The following GABRG1 variants were observed in gnomAD, a reference collection of about 807,000 sequenced individuals.
The protein encoded by GABRG1 is gamma-aminobutyric acid receptor subunit gamma-1.
A neutral mutation model predicts 49.8 loss-of-function variants in GABRG1; 49 were observed. The observed-to-expected ratio is 0.98, with a 90% CI of 0.78 to 1.25. GABRG1 has a LOEUF of 1.25. Among genes scored for constraint, GABRG1 ranks in the 50% most tolerant of loss-of-function variants. The probability of loss-of-function intolerance (pLI) is 0.00; values close to 1 mark genes in which losing one functional copy is unlikely to be tolerated. For synonymous variants in GABRG1, 232 were observed against 185.1 expected (o/e 1.25, Z -2.06); for missense variants, 552 against 552.3 (o/e 1.00, Z 0.01).
At chr4:46,088,642 C>T (rs1719866955) in intron 2 of GABRG1, among the ~76,000 whole-genome samples, 1 of 151,754 alleles carries the variant, frequency 6.6e-6, no homozygotes, top group Non-Finnish European at 1.5e-5. Flanking sequence ...GTAGTTAAAC[C>T]TGAGCATTCG....
chr4:46,065,568 A>C lies in GABRG1; in HGVS notation c.338T>G (p.Ile113Arg), dbSNP rs1560356127. 1 of 1,480,470 alleles carries C rather than the reference A, an allele frequency of 6.8e-7. No homozygotes were observed. Among genetic ancestry groups the C allele is most frequent in the Non-Finnish European group, 9.4e-7 (1 of 1,060,328 alleles). 91.7% of individuals were successfully genotyped at this position (1,480,470 alleles called of 1,614,324 possible). ...GTCAAACCAGGTTTGGGCAAAAATT[A>C]TATCTATTGTATATTCCTAAAATAT... ...DPINMEYTIDIIFAQTWFDSR... is the reference protein window; with the variant it reads ...DPINMEYTIDRIFAQTWFDSR... Residue 113 changes from isoleucine to arginine, a missense_variant, in exon 4 of 9, where the codon ATA becomes AGA. Physicochemically the swap from Ile to Arg is moderately conservative, Grantham distance 97. Coordinates refer to ENST00000295452, the MANE Select transcript of GABRG1 (RefSeq NM_173536.4).
At chr4:46,111,841 C>G (rs1194834963) in intron 1 of GABRG1, among the ~76,000 whole-genome samples, 1 of 151,198 alleles carries the variant, frequency 6.6e-6, no homozygotes, top group African/African-American at 2.4e-5. Context: ...AAAATTGACT[C>G]ATGATAGATT....
intron 3 of GABRG1, among the ~76,000 whole-genome samples, chr4:46,079,494 G>A (rs1265004728): frequency 6.6e-6 from 1 of 151,868 alleles, no homozygotes. Context: ...ATTAAGTTCT[G>A]CAGATGCGAA....
At chr4:46,106,243 C>T (rs920979738) in intron 1 of GABRG1, among the ~76,000 whole-genome samples, 1 of 151,302 alleles carries the variant, frequency 6.6e-6, no homozygotes, top group African/African-American at 2.4e-5. Context: ...TAGTGCAGCC[C>T]GTTGGCATAG....
Position 46,123,928 on chromosome 4 carries a change from T to C in GABRG1, c.-15A>G, listed in dbSNP as rs775451076. ...AAAGGACCCATCGGAATCGCTTTTT[T>C]ACGTGTGCTGCACTAGCTCAATTCT... On this transcript the variant is annotated 5_prime_UTR_variant, in exon 1 of 9. Transcript: ENST00000295452. The C allele has an allele frequency of 1.6e-5, 26 of 1,591,716 alleles. No individual in the cohort carries two copies. Among genetic ancestry groups the C allele is most frequent in the Middle Eastern group, 1.7e-4 (1 of 6,020 alleles).
At chr4:46,095,548 A>G (rs542169723) in intron 2 of GABRG1, among the ~76,000 whole-genome samples, 1 of 151,912 alleles carries the variant, frequency 6.6e-6, no homozygotes, top group South Asian at 2.1e-4. Flanking sequence ...AAAAAAGACT[A>G]AGTAAATTAC....
chr4:46,089,341 T>C lies in GABRG1; in HGVS notation c.254-5288A>G, dbSNP rs556246846. On this transcript the variant is annotated intron_variant, in intron 2 of 8. Coordinates refer to ENST00000295452, the MANE Select transcript of GABRG1 (RefSeq NM_173536.4). ...AACTTACACCTAAGGCCACTTGATG[T>C]TACCCCAAAAAGAAGTAACAAGTAA... Among the ~76,000 whole-genome samples, 3 of 152,194 alleles carry C rather than the reference T, an allele frequency of 2.0e-5. No individual in the cohort carries two copies. The South Asian group carries it at 6.2e-4, about 32-fold the overall frequency.
intron 2 of GABRG1, among the ~76,000 whole-genome samples, chr4:46,085,725 T>C (rs1408911620): frequency 2.0e-5 from 3 of 151,520 alleles, no homozygotes; most frequent in Admixed American, 1.3e-4. Context: ...TAATGACTCA[T>C]TGTTGCTTTG....
intron 1 of GABRG1, among the ~76,000 whole-genome samples, chr4:46,113,115 C>A (rs1006436280): frequency 6.6e-6 from 1 of 151,106 alleles, no homozygotes; most frequent in Admixed American, 6.6e-5. Context: ...ATTTGCTCTT[C>A]TATCCAAATT....
At chr4:46,119,397 G>A (rs1249403914) in intron 1 of GABRG1, among the ~76,000 whole-genome samples, 1 of 151,420 alleles carries the variant, frequency 6.6e-6, no homozygotes, top group Non-Finnish European at 1.5e-5. Context: ...CAGGGGTATA[G>A]AACACAGGGA....
Position 46,123,878 on chromosome 4 carries a change from A to G in GABRG1, c.36T>C (p.Phe12=), listed in dbSNP as rs764980303. The G allele has an allele frequency of 2.5e-6, 4 of 1,613,704 alleles. No individual in the cohort carries two copies. Among genetic ancestry groups the G allele is most frequent in the South Asian group, 2.2e-5 (2 of 91,070 alleles). Residue 12 remains phenylalanine, a synonymous_variant, in exon 1 of 9, where the codon TTT becomes TTC. Coordinates refer to ENST00000295452, the MANE Select transcript of GABRG1 (RefSeq NM_173536.4). ...GPLKAFLFSP[F]LLRSQSRGVR... Reference sequence around the variant, plus strand: ...CCCCTCTACTTTGACTCCGCAGAAGAAAAGGGGAGAAGAGAAAAGCTTTCA... The same window carrying G: ...CCCCTCTACTTTGACTCCGCAGAAGGAAAGGGGAGAAGAGAAAAGCTTTCA...
chr4:46,081,016 G>A (rs982990917), intron 3 of GABRG1, among the ~76,000 whole-genome samples: 3 of 151,808 alleles, frequency 2.0e-5, no homozygotes, highest in Non-Finnish European at 2.9e-5. Flanking sequence ...ATTTGTTTGA[G>A]TAGAACTAAT....
In GABRG1 at chr4:46,065,703, C is replaced by G. The variant is rs991873695; in HGVS notation, c.322-119G>C. 5.0e-6 allele frequency: 3 copies of G among 598,474 alleles called. No individual in the cohort carries two copies. The African/African-American group carries it at 5.7e-5, about 11-fold the overall frequency. 37.1% of individuals were successfully genotyped at this position (598,474 alleles called of 1,614,324 possible). Reference sequence around the variant, plus strand: ...AAGTAACAGTTAAACTCAGTCTTTTCGGAGGAAAAAAATGCCATTATTTTA... The same window carrying G: ...AAGTAACAGTTAAACTCAGTCTTTTGGGAGGAAAAAAATGCCATTATTTTA... On this transcript the variant is annotated intron_variant, in intron 3 of 8. Transcript: ENST00000295452.
intron 1 of GABRG1, among the ~76,000 whole-genome samples, chr4:46,121,131 G>A (rs1352024790): frequency 6.6e-6 from 1 of 151,772 alleles, no homozygotes; most frequent in Non-Finnish European, 1.5e-5. Context: ...GGAAATTAAT[G>A]AGGAAACTAA....
At chr4:46,044,128 T>C (rs1717895505) in intron 8 of GABRG1, among the ~76,000 whole-genome samples, 2 of 152,022 alleles carry the variant, frequency 1.3e-5, no homozygotes, top group South Asian at 4.2e-4. Flanking sequence ...CAAAATCCTG[T>C]TTAAGTTGGG....
chr4:46,058,155 T>C, intron 7 of GABRG1, 62 bp downstream of exon 7: 1 of 1,469,470 alleles, frequency 6.8e-7, no homozygotes, highest in Non-Finnish European at 9.2e-7. Context: ...TATGAACTTT[T>C]ATCACATCAA....
In GABRG1 at chr4:46,037,817, G is replaced by C. The variant is rs1197678507; in HGVS notation, c.*3171C>G. 3 of 151,458 alleles carry C rather than the reference G, an allele frequency of 2.0e-5. No individual in the cohort carries two copies. Among genetic ancestry groups the C allele is most frequent in the Non-Finnish European group, 4.4e-5 (3 of 67,712 alleles). 9.4% of individuals were successfully genotyped at this position (151,458 alleles called of 1,614,324 possible). ...GTGTATTTTTCACAAATTTTGACCT[G>C]GAATATAATTTCACATTTATAACTA... On this transcript the variant is annotated 3_prime_UTR_variant, in exon 9 of 9. Transcript: ENST00000295452.
At chr4:46,065,954 C>T (rs1345529112) in intron 3 of GABRG1, among the ~76,000 whole-genome samples, 1 of 152,110 alleles carries the variant, frequency 6.6e-6, no homozygotes, top group African/African-American at 2.4e-5. Context: ...GATCTCCTGA[C>T]CTCGTGATCT....
chr4:46,117,699 T>TATATATACATACATGTATATACATATAC (rs1720951619), intron 1 of GABRG1, among the ~76,000 whole-genome samples: 1 of 144,718 alleles, frequency 6.9e-6, no homozygotes, highest in Non-Finnish European at 1.5e-5. Flanking sequence ...TATATAGCTG[T>TATATATACATACATGTATATACATATAC]ATATATACAT....
Sources: allele counts gnomAD v4.1 joint callset (sites outside exome capture counted in the v4.1 genomes callset), GRCh38; gene constraint gnomAD v4.1.1; transcripts MANE v1.5; gene names NCBI Gene and HGNC (gene_info 2026-07-23, HGNC 2026-07-21).